The following THRB variants were observed in gnomAD, a reference collection of about 807,000 sequenced individuals.
THRB encodes thyroid hormone receptor beta.
THRB carries 12 observed loss-of-function variants against 47.8 expected under a neutral mutation model. The observed-to-expected ratio is 0.25, with a 90% confidence interval of 0.16 to 0.41. The LOEUF is 0.41. Ranked by LOEUF, THRB falls within the 10% of genes least tolerant of loss-of-function variation. THRB has a pLI of 1.00. For synonymous variants in THRB, 218 were observed against 212.2 expected (o/e 1.03, Z -0.24); for missense variants, 348 against 589.2 (o/e 0.59, Z 4.24).
At chr3:24,236,732 G>A (rs2150186629) in intron 3 of THRB, among the ~76,000 whole-genome samples, 1 of 152,238 alleles carries the variant, frequency 6.6e-6, no homozygotes, top group East Asian at 1.9e-4. Context: ...TACTTTGCAT[G>A]TTCATTTAAC....
chr3:24,232,586 G>C (rs2048362770), intron 3 of THRB, among the ~76,000 whole-genome samples: 1 of 152,132 alleles, frequency 6.6e-6, no homozygotes, highest in Non-Finnish European at 1.5e-5. Context: ...GGACTACTCT[G>C]CAAGGAATGA....
chr3:24,343,918 T>A (rs2062842991), intron 1 of THRB, among the ~76,000 whole-genome samples: 1 of 144,468 alleles, frequency 6.9e-6, no homozygotes, highest in Admixed American at 6.8e-5. Flanking sequence ...TTTATTTATA[T>A]ATTATATATT....
rs554895546 is a variant in THRB at position 24,296,812 on chromosome 3, A to G, written c.-43+414T>C. Among the ~76,000 whole-genome samples, 3 of 152,318 alleles carry G rather than the reference A, an allele frequency of 2.0e-5. No homozygotes were observed. The East Asian group carries it at 5.8e-4, about 29-fold the overall frequency. ...ATGTCAGTTAAATAGGGCTATCCAC[A>G]CACTTTAGGTTTGAGTTTCAGGGAA... is the stretch of plus-strand genomic sequence containing the variant. On this transcript the variant is annotated intron_variant, in intron 3 of 10. Transcript: ENST00000646209.
At chr3:24,363,268 A>T (rs557015735) in intron 1 of THRB, among the ~76,000 whole-genome samples, 1 of 152,248 alleles carries the variant, frequency 6.6e-6, no homozygotes, top group East Asian at 1.9e-4. Context: ...GTCCAAAGAC[A>T]CTGTAGGAAA....
intron 1 of THRB, chr3:24,431,091 G>A: frequency 6.6e-6 from 1 of 152,056 alleles, no homozygotes; most frequent in Non-Finnish European, 1.5e-5. Context: ...TCTACAGTCA[G>A]TGTGGGTGAG....
At chr3:24,243,321 C>T (rs1387124302) in intron 3 of THRB, among the ~76,000 whole-genome samples, 1 of 152,062 alleles carries the variant, frequency 6.6e-6, no homozygotes, top group African/African-American at 2.4e-5. Context: ...CGATTCCGCT[C>T]CTGTCACCCC....
chr3:24,249,600 A>G (rs949343819), intron 3 of THRB, among the ~76,000 whole-genome samples: 2 of 152,196 alleles, frequency 1.3e-5, no homozygotes, highest in African/African-American at 4.8e-5. Context: ...CATCTCTGGT[A>G]TATCTGTTAT....
intron 1 of THRB, among the ~76,000 whole-genome samples, chr3:24,366,536 G>T (rs982499318): frequency 1.3e-5 from 2 of 152,026 alleles, no homozygotes; most frequent in Non-Finnish European, 2.9e-5. Context: ...TTAAGGATCC[G>T]GAAGTCAAGT....
intron 3 of THRB, among the ~76,000 whole-genome samples, chr3:24,269,042 C>A (rs564789685): frequency 5.3e-5 from 8 of 152,232 alleles, no homozygotes; most frequent in Admixed American, 5.2e-4. Flanking sequence ...GTGACCTAGT[C>A]CCACAGATGG....
intron 1 of THRB, chr3:24,457,994 T>A (rs1486727424): frequency 6.6e-6 from 1 of 152,104 alleles, no homozygotes; most frequent in African/African-American, 2.4e-5. Flanking sequence ...TCTTGTTAAA[T>A]GAAGATTCTG....
At chr3:24,298,625 G>A (rs933677038) in intron 2 of THRB, among the ~76,000 whole-genome samples, 1 of 152,168 alleles carries the variant, frequency 6.6e-6, no homozygotes, top group African/African-American at 2.4e-5. Flanking sequence ...TTTACCCTAA[G>A]CCTTGTAACA....
chr3:24,141,966 C>T (rs2035507463), intron 8 of THRB, among the ~76,000 whole-genome samples: 1 of 152,176 alleles, frequency 6.6e-6, no homozygotes, highest in African/African-American at 2.4e-5. Flanking sequence ...AGAATTAGTG[C>T]TTTTGAATTT....
intron 1 of THRB, among the ~76,000 whole-genome samples, chr3:24,381,580 C>T (rs1408246478): frequency 1.3e-5 from 2 of 152,192 alleles, no homozygotes; most frequent in African/African-American, 4.8e-5. Flanking sequence ...TCAAAACTCT[C>T]TCCAACTTAT....
rs2030932323 is a variant in THRB, at chr3:24,117,836, CA to C, written c.*5047del. 6.6e-6 allele frequency: 1 copy of C among 152,214 alleles called. No individual in the cohort carries two copies. The highest frequency in any genetic ancestry group is 2.4e-5 in the African/African-American group (1 of 41,452). The allele number at this position is 152,214 out of a possible 1,614,324, so 9.4% of individuals were successfully genotyped here. Reference sequence around the variant, plus strand: ...TTGTCATAGAAAGAATCTCAATTAACATGTGTTCAGGGCAACAGAGATTGAG... The same window carrying C: ...TTGTCATAGAAAGAATCTCAATTAACTGTGTTCAGGGCAACAGAGATTGAG... On this transcript the variant is annotated 3_prime_UTR_variant, in exon 11 of 11. Coordinates refer to ENST00000646209, the MANE Select transcript of THRB (RefSeq NM_001354712.2).
chr3:24,269,401 G>GCACACA (rs1352594962), intron 3 of THRB, among the ~76,000 whole-genome samples: 8 of 45,678 alleles, frequency 1.8e-4, no homozygotes, highest in Non-Finnish European at 2.6e-4. Context: ...GCGCGCGCGC[G>GCACACA]CGCACACACA....
intron 1 of THRB, among the ~76,000 whole-genome samples, chr3:24,449,440 C>T (rs79526464): frequency 0.026 from 3,883 of 152,258 alleles, 167 homozygotes; most frequent in African/African-American, 0.087. Context: ...AGTAACCCAG[C>T]TGGAGAATAC....
intron 3 of THRB, among the ~76,000 whole-genome samples, chr3:24,275,955 C>G (rs1301448190): frequency 6.6e-6 from 1 of 152,108 alleles, no homozygotes; most frequent in Non-Finnish European, 1.5e-5. Context: ...TCACACACCA[C>G]AGGCTTTACT....
intron 4 of THRB, among the ~76,000 whole-genome samples, chr3:24,191,300 A>T (rs895692641): frequency 1.3e-5 from 2 of 152,056 alleles, no homozygotes; most frequent in African/African-American, 2.4e-5. Flanking sequence ...CATTAAAAAA[A>T]CAATCCATCT....
chr3:24,265,575 T>TTTATTTTTAA (rs2052566946), intron 3 of THRB, among the ~76,000 whole-genome samples: 1 of 152,194 alleles, frequency 6.6e-6, no homozygotes, highest in Non-Finnish European at 1.5e-5. Flanking sequence ...TATAATAATG[T>TTTATTTTTAA]CCATTAAATT....
Sources: gnomAD v4.1 joint callset for allele counts (sites outside exome capture counted in the v4.1 genomes callset) on GRCh38, gnomAD v4.1.1 for gene constraint, MANE v1.5 for transcripts, NCBI Gene and HGNC (gene_info 2026-07-23, HGNC 2026-07-21) for gene names.